NR2F1: variants seen among roughly 807,000 people sequenced by gnomAD.
The protein encoded by NR2F1 is nuclear receptor subfamily 2 group F member 1.
A neutral mutation model predicts 37.7 loss-of-function variants in NR2F1; 1 was observed. That is an observed-to-expected ratio of 0.03 (90% CI 0.01 to 0.13). The LOEUF is 0.13. NR2F1 is among the 10% of genes least tolerant of loss of function. The pLI is 1.00. For synonymous variants in NR2F1, 275 were observed against 259.6 expected (o/e 1.06, Z -0.57); for missense variants, 268 against 578.4 (o/e 0.46, Z 5.50).
chr5:93,587,886 A>G (rs752844167), intron 1 of NR2F1, 31 bp from the exon 2 acceptor site: 23 of 1,540,328 alleles, frequency 1.5e-5, no homozygotes, highest in Non-Finnish European at 1.9e-5. Context: ...CTGGATGCAC[A>G]TTGCCTCTTT....
rs767741067 is a variant in NR2F1 at position 93,588,149 on chromosome 5, G to C, written c.696G>C (p.Glu232Asp). The C allele has an allele frequency of 6.2e-7, 1 of 1,613,944 alleles. No homozygotes were observed. The highest frequency in any genetic ancestry group is 8.5e-7 in the Non-Finnish European group (1 of 1,180,012). The change falls in exon 2 of 3, where the codon GAG (glutamate) becomes GAC (aspartate). Residue 232 changes from glutamate to aspartate, a missense_variant. Physicochemically the swap from Glu to Asp is conservative, Grantham distance 45. Around this residue, in one of 5 missense-constraint regions of NR2F1, gnomAD observed 21 missense variants for 94.5 expected, o/e 0.22. Coordinates refer to ENST00000327111, the MANE Select transcript of NR2F1 (RefSeq NM_005654.6). ...LAARLLFSAV[E>D]WARNIPFFPD... ...CGCGCCTGCTCTTCAGCGCCGTCGA[G>C]TGGGCCCGCAACATCCCCTTCTTCC...
In NR2F1 at chr5:93,587,847, G is replaced by C. The variant is rs1171096269; in HGVS notation, c.464-70G>C. 4 of 1,464,428 alleles carry C rather than the reference G, an allele frequency of 2.7e-6. No individual in the cohort carries two copies. In the South Asian group the frequency reaches 5.3e-5, roughly 19 times the overall value. The allele number at this position is 1,464,428 out of a possible 1,614,324, so 90.7% of individuals were successfully genotyped here. On this transcript the variant is annotated intron_variant, in intron 1 of 2. Transcript: ENST00000327111. ...AGAGCTTCTGCATTGTGTTGGGTACGCTGCGGCGCGGCAATGTTCGCAAGC... is the reference window on the plus strand; with the variant it reads ...AGAGCTTCTGCATTGTGTTGGGTACCCTGCGGCGCGGCAATGTTCGCAAGC...
intron 2 of NR2F1, chr5:93,591,879 C>G (rs981532258): frequency 1.3e-5 from 2 of 152,232 alleles, no homozygotes; most frequent in Non-Finnish European, 2.9e-5. Flanking sequence ...GGTCCCCTCT[C>G]TAAGCAGCAA....
rs1188763568 is a variant in NR2F1, at chr5:93,585,066, G to A, written c.43G>A (p.Val15Met). The change falls in exon 1 of 3, where the codon GTG (valine) becomes ATG (methionine). Residue 15 changes from valine to methionine, a missense_variant. Around this residue, in one of 5 missense-constraint regions of NR2F1, gnomAD observed 90 missense variants for 106.5 expected, o/e 0.85. Coordinates refer to ENST00000327111, the MANE Select transcript of NR2F1 (RefSeq NM_005654.6). ...CAGCTGGCGAGATCCGCAGGACGAC[G>A]TGGCCGGGGGCAACCCCGGCGGCCC... ...VSSWRDPQDD[V>M]AGGNPGGPNP... 2 of 1,034,020 alleles carry A rather than the reference G, an allele frequency of 1.9e-6. No individual in the cohort carries two copies. The highest frequency in any genetic ancestry group is 4.0e-5 in the South Asian group (1 of 25,138). 64.1% of individuals were successfully genotyped at this position (1,034,020 alleles called of 1,614,324 possible).
At chr5:93,585,982 A>G (rs1486387308) in intron 1 of NR2F1, among the ~76,000 whole-genome samples, 2 of 151,542 alleles carry the variant, frequency 1.3e-5, no homozygotes, top group African/African-American at 2.4e-5. Context: ...GGGCTGGAGT[A>G]CCCTGAACCA....
intron 2 of NR2F1, among the ~76,000 whole-genome samples, chr5:93,590,960 C>T (rs1305346450): frequency 6.6e-6 from 1 of 152,180 alleles, no homozygotes; most frequent in African/African-American, 2.4e-5. Flanking sequence ...CTGAAAGGAG[C>T]CATCTAGTTA....
In NR2F1 at chr5:93,594,116, GA is replaced by G. The variant is rs1402396133; in HGVS notation, c.*281del. ...AAAAAGAACCTTGTGTCTGTCTGGT[GA>G]AAAAAAGAAAAACAAATTGGAAGAG... is the stretch of plus-strand genomic sequence containing the variant. On this transcript the variant is annotated 3_prime_UTR_variant, in exon 3 of 3. Coordinates refer to ENST00000327111, the MANE Select transcript of NR2F1 (RefSeq NM_005654.6). The G allele has an allele frequency of 1.3e-5, 5 of 395,738 alleles. No individual in the cohort carries two copies. Among genetic ancestry groups the G allele is most frequent in the Non-Finnish European group, 2.3e-5 (5 of 222,218 alleles). The allele number at this position is 395,738 out of a possible 1,614,324, so 24.5% of individuals were successfully genotyped here. A position where few individuals can be genotyped will look rare whatever the true frequency, so the allele number is the denominator to read the frequency against.
Position 93,593,783 on chromosome 5 carries a change from G to A in NR2F1, c.1213G>A (p.Asp405Asn). Residue 405 changes from aspartate to asparagine, a missense_variant, in exon 3 of 3, where the codon GAT becomes AAT. Around this residue, in one of 5 missense-constraint regions of NR2F1, gnomAD observed 99 missense variants for 191.9 expected, o/e 0.52. Coordinates refer to ENST00000327111, the MANE Select transcript of NR2F1 (RefSeq NM_005654.6). This position sits in a 1 kb window ranked among gnomAD's most constrained non-coding sequence, Gnocchi z 5.6. ...AACCCCCATCGAAACTCTCATCCGC[G>A]ATATGTTACTGTCTGGGAGCAGCTT... is the stretch of plus-strand genomic sequence containing the variant. ...GKTPIETLIR[D>N]MLLSGSSFNW... 1 of 1,614,184 alleles carries A rather than the reference G, an allele frequency of 6.2e-7. No homozygotes were observed. Among genetic ancestry groups the A allele is most frequent in the Non-Finnish European group, 8.5e-7 (1 of 1,180,038 alleles).
chr5:93,584,337 C>A lies in NR2F1; in HGVS notation c.-687C>A. 1 of 149,746 alleles carries A rather than the reference C, an allele frequency of 6.7e-6. No individual in the cohort carries two copies. Among genetic ancestry groups the A allele is most frequent in the South Asian group, 1.8e-4 (1 of 5,572 alleles). The allele number at this position is 149,746 out of a possible 1,614,324, so 9.3% of individuals were successfully genotyped here. ...CCTCCTCCTCCGCCGCCGCCGCCGC[C>A]TCCGCCCTCGCCGGCTTCCTCTATG... is the stretch of plus-strand genomic sequence containing the variant. On this transcript the variant is annotated 5_prime_UTR_variant, in exon 1 of 3. Transcript: ENST00000327111.
chr5:93,590,792 G>T (rs1214637842), intron 2 of NR2F1, among the ~76,000 whole-genome samples: 1 of 152,180 alleles, frequency 6.6e-6, no homozygotes, highest in East Asian at 1.9e-4. Flanking sequence ...TGGCACGGGG[G>T]TCCCCCGTGG....
chr5:93,593,955 G>A lies in NR2F1; in HGVS notation c.*113G>A. 1 of 1,061,744 alleles carries A rather than the reference G, an allele frequency of 9.4e-7. No individual in the cohort carries two copies. Among genetic ancestry groups the A allele is most frequent in the Admixed American group, 2.3e-5 (1 of 43,284 alleles). 65.8% of individuals were successfully genotyped at this position (1,061,744 alleles called of 1,614,324 possible). A position where few individuals can be genotyped will look rare whatever the true frequency, so the allele number is the denominator to read the frequency against. ...GAAGTGCAGCGGGCCAGGCAGGCTG[G>A]GTGGGAGGGAGGAGGGCCGAGACAG... is the stretch of plus-strand genomic sequence containing the variant. On this transcript the variant is annotated 3_prime_UTR_variant, in exon 3 of 3. Transcript: ENST00000327111. This position sits in a 1 kb window ranked among gnomAD's most constrained non-coding sequence, Gnocchi z 5.6.
Position 93,585,416 on chromosome 5 carries a change from C to T in NR2F1, c.393C>T (p.Asp131=). The change falls in exon 1 of 3, where the codon GAC becomes GAT. Residue 131 remains aspartate, a synonymous_variant. Transcript: ENST00000327111. ...TCRANRNCPI[D]QHHRNQCQYC... ...GTGCCAACAGGAACTGTCCCATCGACCAGCACCACCGCAACCAGTGCCAAT... is the reference window on the plus strand; with the variant it reads ...GTGCCAACAGGAACTGTCCCATCGATCAGCACCACCGCAACCAGTGCCAAT... The T allele has an allele frequency of 3.1e-6, 5 of 1,614,132 alleles. No homozygotes were observed. Among genetic ancestry groups the T allele is most frequent in the Non-Finnish European group, 4.2e-6 (5 of 1,180,010 alleles).
chr5:93,593,872 C>A lies in NR2F1; in HGVS notation c.*30C>A. On this transcript the variant is annotated 3_prime_UTR_variant, in exon 3 of 3. Coordinates refer to ENST00000327111, the MANE Select transcript of NR2F1 (RefSeq NM_005654.6). The surrounding 1 kb of genome is among the most constrained non-coding windows in gnomAD (Gnocchi z 5.6). ...TGGGCGCTTCCCACCTGCCCCGTCCCCCTAGAGACTCAGAGGACCCACCTG... is the reference window on the plus strand; with the variant it reads ...TGGGCGCTTCCCACCTGCCCCGTCCACCTAGAGACTCAGAGGACCCACCTG... 1 of 1,599,662 alleles carries A rather than the reference C, an allele frequency of 6.3e-7. No homozygotes were observed. Among genetic ancestry groups the A allele is most frequent in the Admixed American group, 1.7e-5 (1 of 59,408 alleles).
intron 2 of NR2F1, among the ~76,000 whole-genome samples, chr5:93,592,595 G>A (rs1436765384): frequency 6.6e-6 from 1 of 151,832 alleles, no homozygotes; most frequent in South Asian, 2.1e-4. Flanking sequence ...ATTGTGCGGA[G>A]GTGCCTTTTT....
intron 2 of NR2F1, among the ~76,000 whole-genome samples, chr5:93,589,737 G>A (rs3776601): frequency 0.096 from 14,671 of 152,242 alleles, 762 homozygotes; most frequent in Middle Eastern, 0.18. Context: ...GCTTTCATGT[G>A]TGAAGAATTG....
rs1001120498 is a variant in NR2F1, at chr5:93,587,618, G to A, written c.464-299G>A. ...TGTGTGTTCCCCCGTGGTGGCTTAG[G>A]GGTTGGATGACACTTTCTTGACCTT... On this transcript the variant is annotated intron_variant, in intron 1 of 2. Transcript: ENST00000327111. The A allele has an allele frequency of 1.3e-5, 5 of 372,254 alleles. No individual in the cohort carries two copies. In the East Asian group the frequency reaches 2.1e-4, roughly 16 times the overall value. The allele number at this position is 372,254 out of a possible 1,614,324, so 23.1% of individuals were successfully genotyped here.
chr5:93,593,523 C>G lies in NR2F1; in HGVS notation c.992-39C>G, dbSNP rs1450520046. 2 of 1,595,738 alleles carry G rather than the reference C, an allele frequency of 1.3e-6. No homozygotes were observed. Among genetic ancestry groups the G allele is most frequent in the South Asian group, 2.2e-5 (2 of 90,062 alleles). Reference sequence around the variant, plus strand: ...CTATTTGTCAGCCTAACCGTGTGCTCCCTTTCCCTGTCTCTCCCTCCTGTG... The same window carrying G: ...CTATTTGTCAGCCTAACCGTGTGCTGCCTTTCCCTGTCTCTCCCTCCTGTG... On this transcript the variant is annotated intron_variant, in intron 2 of 2. Coordinates refer to ENST00000327111, the MANE Select transcript of NR2F1 (RefSeq NM_005654.6). The surrounding 1 kb of genome is among the most constrained non-coding windows in gnomAD (Gnocchi z 5.6).
chr5:93,590,349 C>A (rs1753310426), intron 2 of NR2F1, among the ~76,000 whole-genome samples: 1 of 152,176 alleles, frequency 6.6e-6, no homozygotes, highest in Non-Finnish European at 1.5e-5. Context: ...ATCTCATGCC[C>A]TTTCCCAGAG....
rs560475676 is a variant in NR2F1, at chr5:93,594,010, G to C, written c.*168G>C. 2 of 604,464 alleles carry C rather than the reference G, an allele frequency of 3.3e-6. No homozygotes were observed. Among genetic ancestry groups the C allele is most frequent in the African/African-American group, 3.7e-5 (2 of 53,838 alleles). 37.4% of individuals were successfully genotyped at this position (604,464 alleles called of 1,614,324 possible). A position where few individuals can be genotyped will look rare whatever the true frequency, so the allele number is the denominator to read the frequency against. On this transcript the variant is annotated 3_prime_UTR_variant, in exon 3 of 3. Coordinates refer to ENST00000327111, the MANE Select transcript of NR2F1 (RefSeq NM_005654.6). The stretch of plus-strand genomic sequence containing the variant: ...AGCCCACCCAGCAGAAATACAATCC[G>C]AGCTACAAAGCATGGGAAAAAGAGA...
Sources: allele counts gnomAD v4.1 joint callset (sites outside exome capture counted in the v4.1 genomes callset), GRCh38; gene constraint gnomAD v4.1.1; regional missense constraint gnomAD v4.1.1; non-coding constraint Gnocchi (gnomAD v3.1); transcripts MANE v1.5; gene names NCBI Gene and HGNC (gene_info 2026-07-23, HGNC 2026-07-21).